Variants in SFI1 observed in about 807,000 individuals in gnomAD.
SFI1 encodes protein SFI1 homolog.
Under a neutral mutation model 207.5 loss-of-function variants are expected in SFI1, and 195 were observed. The ratio of observed to expected loss-of-function variants is 0.94; its 90% CI spans 0.84 to 1.06. The LOEUF (loss-of-function observed/expected upper bound fraction) is 1.06. Among genes scored for constraint, SFI1 ranks in the 50% least tolerant of loss-of-function variants. SFI1 has a pLI of 0.00. For synonymous variants in SFI1, 630 were observed against 598.9 expected (o/e 1.05, Z -0.76); for missense variants, 1,634 against 1,588.0 (o/e 1.03, Z -0.49).
Position 31,604,927 on chromosome 22 carries a change from A to C in SFI1, c.2036A>C (p.His679Pro). Residue 679 changes from histidine (H) to proline (P), a missense_variant, in exon 20 of 33, where the codon CAC (histidine) becomes CCC (proline). Physicochemically the swap from His to Pro is moderately conservative, Grantham distance 77 (BLOSUM62 -2). Coordinates refer to ENST00000400288, the MANE Select transcript of SFI1 (RefSeq NM_001007467.3). Reference protein sequence around the residue: ...LREVAARESQHNRQLLRGALR... With the variant: ...LREVAARESQPNRQLLRGALR... ...GAGGTGGCAGCCAGGGAGAGCCAGC[A>C]CAACAGGCAGCTGCTGCGGTGAGTC... is the stretch of plus-strand genomic sequence containing the variant. 2.5e-6 allele frequency: 4 copies of C among 1,610,654 alleles called. No homozygotes were observed. The highest frequency in any genetic ancestry group is 3.4e-6 in the Non-Finnish European group (4 of 1,178,358).
At chr22:31,530,962 C>A in intron 3 of SFI1, 96 bp from the exon 4 acceptor site, 3 of 983,176 alleles carry the variant, frequency 3.1e-6, no homozygotes, top group Non-Finnish European at 3.1e-6. Context: ...CATCCCTCTG[C>A]TGAGACCTTA....
intron 10 of SFI1, among the ~76,000 whole-genome samples, chr22:31,577,142 C>T (rs1304798620): frequency 6.6e-6 from 1 of 152,144 alleles, no homozygotes; most frequent in Non-Finnish European, 1.5e-5. Context: ...GAAAATATGT[C>T]TTTAAATATG....
intron 20 of SFI1, 102 bp downstream of exon 20, chr22:31,605,047 A>C: frequency 9.5e-7 from 1 of 1,050,310 alleles, no homozygotes; most frequent in Non-Finnish European, 1.3e-6. Context: ...GTCGGGGATG[A>C]TCCCGGGTTC....
intron 2 of SFI1, among the ~76,000 whole-genome samples, chr22:31,513,917 T>C (rs952136109): frequency 5.3e-5 from 8 of 151,362 alleles, no homozygotes; most frequent in Non-Finnish European, 1.2e-4. Flanking sequence ...GTGGATTACC[T>C]GAGGTCAGGA....
rs190942631 is a variant in SFI1 at position 31,529,302 on chromosome 22, C to T, written c.266+439C>T. ...GTGGCTCACACCTGTAATCCCAGCA[C>T]TTTGGGAGGCCGAGGCAGGTGGATC... On this transcript the variant is annotated intron_variant, in intron 3 of 32. Transcript: ENST00000400288. Among the ~76,000 whole-genome samples, 11 of 152,286 alleles carry T rather than the reference C, an allele frequency of 7.2e-5. No homozygotes were observed. In the East Asian group the frequency reaches 2.1e-3, roughly 29 times the overall value.
chr22:31,501,736 TTATAGTC>T (rs1336364104), intron 1 of SFI1, among the ~76,000 whole-genome samples: 1 of 152,216 alleles, frequency 6.6e-6, no homozygotes, highest in East Asian at 1.9e-4. Flanking sequence ...GTTATTTTGA[TTATAGTC>T]TATACATTTT....
intron 9 of SFI1, among the ~76,000 whole-genome samples, chr22:31,574,417 A>C (rs1056969385): frequency 5.9e-5 from 9 of 152,216 alleles, no homozygotes; most frequent in African/African-American, 1.7e-4. Context: ...GCCCTAGCTC[A>C]TCAGACCATT....
chr22:31,594,860 A>AAAG (rs2066850755), intron 15 of SFI1, among the ~76,000 whole-genome samples: 1 of 149,508 alleles, frequency 6.7e-6, no homozygotes, highest in Non-Finnish European at 1.5e-5. Context: ...GTCTCAAAAA[A>AAAG]AAAAAAAAAA....
chr22:31,528,795 T>C lies in SFI1; in HGVS notation c.198T>C (p.Ser66=), dbSNP rs775902804. The part of the protein sequence containing the change: ...FGIRRELPST[S]HLVQYRGTHT... ...TCCGGAGGGAGTTACCTAGTACCAG[T>C]CATCTAGTGCAGTATCGTGGCACAC... The change falls in exon 3 of 33, where the codon AGT becomes AGC. Residue 66 remains serine, a synonymous_variant. Coordinates refer to ENST00000400288, the MANE Select transcript of SFI1 (RefSeq NM_001007467.3). 1.2e-6 allele frequency: 2 copies of C among 1,614,122 alleles called. No homozygotes were observed. The highest frequency in any genetic ancestry group is 1.7e-5 in the Admixed American group (1 of 59,996).
chr22:31,580,507 A>G (rs1181314708), intron 12 of SFI1, 143 bp downstream of exon 12: 1 of 551,342 alleles, frequency 1.8e-6, no homozygotes, highest in Non-Finnish European at 3.2e-6. Flanking sequence ...CAACTGTAAA[A>G]CCTTAGTTTG....
intron 15 of SFI1, among the ~76,000 whole-genome samples, chr22:31,599,502 T>A (rs556575021): frequency 2.0e-5 from 3 of 152,138 alleles, no homozygotes; most frequent in Non-Finnish European, 4.4e-5. Context: ...AATTTTTGTA[T>A]TTTTAGTAGA....
intron 29 of SFI1, chr22:31,616,013 C>T (rs1445808202): frequency 2.0e-5 from 3 of 152,126 alleles, no homozygotes; most frequent in Non-Finnish European, 2.9e-5. Context: ...GAAGAATCTT[C>T]AGCACAGGCC....
At position 31,603,917 on chromosome 22, in the gene SFI1, A is replaced by C. The variant is rs1655791334; in HGVS notation, c.1881+98A>C. On this transcript the variant is annotated intron_variant, in intron 18 of 32. Transcript: ENST00000400288. ...AGGCAACATATGGGCCACACCACCT[A>C]CCTCTGAGCTGAAGGAGGAGAACAG... 2.7e-6 allele frequency: 3 copies of C among 1,099,424 alleles called. No homozygotes were observed. The South Asian group carries it at 4.4e-5, about 16-fold the overall frequency. The allele number at this position is 1,099,424 out of a possible 1,614,324, so 68.1% of individuals were successfully genotyped here. A position where few individuals can be genotyped will look rare whatever the true frequency, so the allele number is the denominator to read the frequency against.
At chr22:31,612,391 AAAAAAAAAT>A (rs1569462146) in intron 24 of SFI1, 6 of 119,548 alleles carry the variant, frequency 5.0e-5, no homozygotes, top group East Asian at 6.2e-4. Flanking sequence ...AAAAAAAAAA[AAAAAAAAAT>A]ATATATATAT....
intron 1 of SFI1, among the ~76,000 whole-genome samples, chr22:31,499,431 C>G (rs1352778206): frequency 1.3e-5 from 2 of 152,108 alleles, no homozygotes; most frequent in South Asian, 2.1e-4. Flanking sequence ...CTCAGCCTCC[C>G]AAAGTGCTGG....
chr22:31,533,962 A>C (rs894335841), intron 4 of SFI1, among the ~76,000 whole-genome samples: 1 of 152,188 alleles, frequency 6.6e-6, no homozygotes, highest in African/African-American at 2.4e-5. Context: ...ATTTTCATTC[A>C]AATACAAATG....
At chr22:31,541,770 T>C (rs1268241239) in intron 4 of SFI1, among the ~76,000 whole-genome samples, 1 of 141,912 alleles carries the variant, frequency 7.0e-6, no homozygotes, top group Non-Finnish European at 1.5e-5. Flanking sequence ...AAAAGAATTG[T>C]GAATAAATCT....
Position 31,553,529 on chromosome 22 carries a change from A to ATTTT in SFI1, c.544+3200_544+3203dup, listed in dbSNP as rs71202096. On this transcript the variant is annotated intron_variant, in intron 6 of 32. Coordinates refer to ENST00000400288, the MANE Select transcript of SFI1 (RefSeq NM_001007467.3). ...GCTACCATGCCCAGCTAATTTTTGT[A>ATTTT]TTTTTTTTTTTTTTTTTTTTTTCAG... Among the ~76,000 whole-genome samples the ATTTT allele has an allele frequency of 8.6e-4, 71 of 82,626 alleles. 3 individuals carry two copies. The highest frequency in any genetic ancestry group is 1.4e-3 in the African/African-American group (32 of 22,238). The allele number at this position is 82,626 out of a possible 152,430, so 54.2% of individuals were successfully genotyped here.
At chr22:31,571,048 A>T (rs1030955543) in intron 8 of SFI1, among the ~76,000 whole-genome samples, 1 of 152,226 alleles carries the variant, frequency 6.6e-6, no homozygotes, top group Non-Finnish European at 1.5e-5. Context: ...TGCCTGGGAG[A>T]CAGAAAGATT....
Sources: allele counts gnomAD v4.1 joint callset (sites outside exome capture counted in the v4.1 genomes callset), GRCh38; gene constraint gnomAD v4.1.1; transcripts MANE v1.5; gene names NCBI Gene and HGNC (gene_info 2026-07-23, HGNC 2026-07-21).